The following STAC variants were observed in gnomAD, a reference collection of about 807,000 sequenced individuals.
The protein encoded by STAC is SH3 and cysteine rich domain.
Under a neutral mutation model 48.8 loss-of-function variants are expected in STAC, and 43 were observed. That is an observed-to-expected ratio of 0.88 (90% CI 0.69 to 1.14). The LOEUF (loss-of-function observed/expected upper bound fraction) is 1.14. STAC is among the 50% of genes most tolerant of loss of function. The pLI is 0.00. For missense variants in STAC, 497 were observed against 504.0 expected, an observed-to-expected ratio of 0.99 and a Z score of 0.13; for synonymous variants, 193 against 179.5, an observed-to-expected ratio of 1.07 and a Z score of -0.60.
At chr3:36,462,495 G>C (rs544845380) in intron 2 of STAC, among the ~76,000 whole-genome samples, 254 of 152,242 alleles carry the variant, frequency 1.7e-3, no homozygotes, top group African/African-American at 5.8e-3. Flanking sequence ...CAGGGAGTAA[G>C]TATAGACAGA....
At chr3:36,521,536 G>A (rs1428949537) in intron 8 of STAC, among the ~76,000 whole-genome samples, 2 of 152,120 alleles carry the variant, frequency 1.3e-5, no homozygotes, top group African/African-American at 2.4e-5. Context: ...TCACTACGTG[G>A]AGTGGACAAG....
intron 1 of STAC, among the ~76,000 whole-genome samples, chr3:36,435,801 T>C (rs1483417389): frequency 6.6e-6 from 1 of 152,206 alleles, no homozygotes; most frequent in Admixed American, 6.5e-5. Flanking sequence ...TTAAGATTCA[T>C]TTCATGCTTT....
intron 2 of STAC, among the ~76,000 whole-genome samples, chr3:36,453,358 C>T (rs564103620): frequency 6.6e-6 from 1 of 152,172 alleles, no homozygotes; most frequent in Admixed American, 6.5e-5. Context: ...GAGGCGTGGG[C>T]GGGAACCGGG....
intron 1 of STAC, among the ~76,000 whole-genome samples, chr3:36,424,493 C>CT (rs1700518905): frequency 6.6e-6 from 1 of 152,136 alleles, no homozygotes; most frequent in African/African-American, 2.4e-5. Context: ...GCTCTGTCCA[C>CT]TAAGAGATCT....
At chr3:36,439,689 C>T (rs1056437284) in intron 1 of STAC, among the ~76,000 whole-genome samples, 1 of 152,136 alleles carries the variant, frequency 6.6e-6, no homozygotes, top group African/African-American at 2.4e-5. Flanking sequence ...CAGTTTATAG[C>T]CTGAAGGACT....
At chr3:36,514,217 T>TTTC (rs1425648566) in intron 8 of STAC, among the ~76,000 whole-genome samples, 1 of 125,754 alleles carries the variant, frequency 8.0e-6, no homozygotes, top group Non-Finnish European at 1.7e-5. Flanking sequence ...TTTTTTTTTT[T>TTTC]TTTTTTTTTT....
intron 8 of STAC, among the ~76,000 whole-genome samples, chr3:36,513,072 T>C (rs868124673): frequency 6.6e-6 from 1 of 151,478 alleles, no homozygotes; most frequent in South Asian, 2.1e-4. Context: ...ATGTTAGGAG[T>C]GTGAGCTTGA....
chr3:36,432,439 C>T (rs1012435863), intron 1 of STAC, among the ~76,000 whole-genome samples: 1 of 152,186 alleles, frequency 6.6e-6, no homozygotes, highest in African/African-American at 2.4e-5. Flanking sequence ...TGGTGGCTCA[C>T]ACCTGTAATC....
chr3:36,452,702 A>G (rs1375857225), intron 2 of STAC, among the ~76,000 whole-genome samples: 1 of 152,256 alleles, frequency 6.6e-6, no homozygotes, highest in Non-Finnish European at 1.5e-5. Flanking sequence ...CACATGGACT[A>G]AGCACCAACT....
intron 2 of STAC, among the ~76,000 whole-genome samples, chr3:36,445,694 A>T (rs1370295789): frequency 6.6e-6 from 1 of 152,210 alleles, no homozygotes; most frequent in Non-Finnish European, 1.5e-5. Flanking sequence ...CCTTCAAGCC[A>T]CACGTTATCC....
rs1699003880 is a variant in STAC at position 36,528,979 on chromosome 3, G to T, written c.1104G>T (p.Glu368Asp). The part of the protein sequence containing the change: ...CKEQGQITLK[E>D]NQICVSSEEE... ...AACAGGGGCAGATAACACTGAAAGA[G>T]AATCAGGTGAGTAAACCACACAAAC... Residue 368 changes from glutamate (E) to aspartate (D), a missense_variant, in exon 10 of 11, where the codon GAG (glutamate) becomes GAT (aspartate). Coordinates refer to ENST00000273183, the MANE Select transcript of STAC (RefSeq NM_003149.3). 1.2e-6 allele frequency: 2 copies of T among 1,602,846 alleles called. No homozygotes were observed. Among genetic ancestry groups the T allele is most frequent in the African/African-American group, 1.3e-5 (1 of 74,566 alleles).
At chr3:36,423,734 T>C (rs964105283) in intron 1 of STAC, among the ~76,000 whole-genome samples, 2 of 152,130 alleles carry the variant, frequency 1.3e-5, no homozygotes, top group African/African-American at 2.4e-5. Context: ...TTATAGGATG[T>C]AAATATATAA....
In STAC at chr3:36,446,460, C is replaced by T. The variant is rs182381223; in HGVS notation, c.388+2820C>T. 6.6e-5 allele frequency among the ~76,000 whole-genome samples: 10 copies of T among 152,340 alleles called. No homozygotes were observed. In the East Asian group the frequency reaches 1.7e-3, roughly 26 times the overall value. On this transcript the variant is annotated intron_variant, in intron 2 of 10. Coordinates refer to ENST00000273183, the MANE Select transcript of STAC (RefSeq NM_003149.3). ...ATACTTCCTCCACCAAGCAGATCCA[C>T]TCTTAGGCCTTGACAATCAGTTAGG... is the stretch of plus-strand genomic sequence containing the variant.
At chr3:36,513,390 T>G (rs1341472038) in intron 8 of STAC, among the ~76,000 whole-genome samples, 1 of 152,200 alleles carries the variant, frequency 6.6e-6, no homozygotes, top group African/African-American at 2.4e-5. Context: ...AAAATGTATT[T>G]GATGCTCAAT....
chr3:36,441,710 A>G (rs1575202011), intron 1 of STAC, among the ~76,000 whole-genome samples: 1 of 152,204 alleles, frequency 6.6e-6, no homozygotes, highest in African/African-American at 2.4e-5. Flanking sequence ...ACATTCCCAC[A>G]AACAAAATGT....
chr3:36,538,838 T>C (rs1254273378), intron 10 of STAC, among the ~76,000 whole-genome samples: 1 of 152,146 alleles, frequency 6.6e-6, no homozygotes, highest in Non-Finnish European at 1.5e-5. Context: ...ATTTAAAAAG[T>C]TTTCTACCTT....
At chr3:36,468,600 T>TTA (rs1022981531) in intron 2 of STAC, among the ~76,000 whole-genome samples, 10 of 149,000 alleles carry the variant, frequency 6.7e-5, no homozygotes, top group Admixed American at 5.4e-4. Flanking sequence ...GCACATATAT[T>TTA]TATATATATA....
chr3:36,503,962 G>A (rs1305492420), intron 6 of STAC, among the ~76,000 whole-genome samples: 4 of 152,054 alleles, frequency 2.6e-5, no homozygotes, highest in South Asian at 2.1e-4. Flanking sequence ...TCAAGATACC[G>A]AATATAGATT....
intron 1 of STAC, among the ~76,000 whole-genome samples, chr3:36,422,056 G>A (rs73059995): frequency 6.6e-6 from 1 of 151,814 alleles, no homozygotes; most frequent in African/African-American, 2.4e-5. Flanking sequence ...TTATGATCCT[G>A]ACTTCATTTT....
Sources: allele counts gnomAD v4.1 joint callset (sites outside exome capture counted in the v4.1 genomes callset), GRCh38; gene constraint gnomAD v4.1.1; transcripts MANE v1.5; gene names NCBI Gene and HGNC (gene_info 2026-07-23, HGNC 2026-07-21).